FBXO6: variants seen among roughly 807,000 people sequenced by gnomAD.
FBXO6 encodes the protein F-box only protein 6.
FBXO6 carries 13 observed loss-of-function variants against 25.0 expected under a neutral mutation model. The observed-to-expected ratio is 0.52, with a 90% CI of 0.34 to 0.83. The LOEUF (loss-of-function observed/expected upper bound fraction) is 0.83. FBXO6 is among the 40% of genes least tolerant of loss of function. The pLI, the probability that FBXO6 is intolerant of heterozygous loss-of-function variation, is 0.02. For synonymous variants in FBXO6, 138 were observed against 155.3 expected (o/e 0.89, Z 0.83); for missense variants, 370 against 380.2 (o/e 0.97, Z 0.22).
At chr1:11,665,929 T>G (rs1477603127) in intron 1 of FBXO6, among the ~76,000 whole-genome samples, 1 of 151,940 alleles carries the variant, frequency 6.6e-6, no homozygotes, top group Admixed American at 6.5e-5. Context: ...ATTGACAACT[T>G]TTACATTTTT....
rs1038767873 is a variant in FBXO6 at position 11,673,452 on chromosome 1, C to A, written c.645+40C>A. 6.2e-6 allele frequency: 10 copies of A among 1,606,040 alleles called. No homozygotes were observed. The highest frequency in any genetic ancestry group is 8.5e-6 in the Non-Finnish European group (10 of 1,174,956). ...ACTTGCTCTCTCTACCCACTCCTCC[C>A]AGGGCCAGGATGGCAGGAAGCAAAG... On this transcript the variant is annotated intron_variant, in intron 5 of 5. Transcript: ENST00000376753. The surrounding 1 kb of genome is among the most constrained non-coding windows in gnomAD (Gnocchi z 4.3).
At position 11,672,008 on chromosome 1, in the gene FBXO6, T is replaced by C; in HGVS notation, c.494T>C (p.Ile165Thr). 1 of 1,614,138 alleles carries C rather than the reference T, an allele frequency of 6.2e-7. No individual in the cohort carries two copies. The highest frequency in any genetic ancestry group is 8.5e-7 in the Non-Finnish European group (1 of 1,179,966). Residue 165 changes from isoleucine to threonine, a missense_variant, in exon 4 of 6, where the codon ATC becomes ACC. By Grantham distance (89) the Ile-to-Thr change is moderately conservative. Coordinates refer to ENST00000376753, the MANE Select transcript of FBXO6 (RefSeq NM_018438.6). ...CTACTAGACACATTCCGGCCGGACA[T>C]CGTGGTTAAGGACTGGTGAGTAGGG... ...EELLDTFRPD[I>T]VVKDWFAARA...
chr1:11,664,499 G>T (rs1480904361), intron 1 of FBXO6: 1 of 146,356 alleles, frequency 6.8e-6, no homozygotes, highest in East Asian at 2.0e-4. Context: ...CACGGAGCCT[G>T]CGGGCGCTGG....
intron 2 of FBXO6, among the ~76,000 whole-genome samples, chr1:11,669,666 G>GTATATATACA (rs1161301136): frequency 1.9e-5 from 2 of 104,994 alleles, no homozygotes. Context: ...ATATACACAT[G>GTATATATACA]TATATATGTA....
chr1:11,672,887 T>C (rs1570279368), intron 4 of FBXO6, among the ~76,000 whole-genome samples: 2 of 152,222 alleles, frequency 1.3e-5, no homozygotes, highest in South Asian at 4.1e-4. Flanking sequence ...GAGCAGAGGG[T>C]GAGCTTTGTG....
chr1:11,671,800 A>T (rs1394297412), intron 3 of FBXO6, 128 bp from the exon 4 acceptor site: 1 of 797,314 alleles, frequency 1.3e-6, no homozygotes, highest in East Asian at 2.7e-5. Flanking sequence ...CCTGTCCCGC[A>T]GCGGCCAAGG....
chr1:11,665,788 T>G (rs1640417155), intron 1 of FBXO6, among the ~76,000 whole-genome samples: 1 of 151,788 alleles, frequency 6.6e-6, no homozygotes, highest in Admixed American at 6.6e-5. Context: ...CTCGAACTCC[T>G]GATCTTGTGA....
At chr1:11,666,664 G>A (rs555223521) in intron 1 of FBXO6, among the ~76,000 whole-genome samples, 2 of 152,210 alleles carry the variant, frequency 1.3e-5, no homozygotes, top group South Asian at 4.1e-4. Context: ...TTACAGGCTT[G>A]AGCCACCGCA....
chr1:11,665,767 G>A (rs1325845482), intron 1 of FBXO6, among the ~76,000 whole-genome samples: 1 of 151,396 alleles, frequency 6.6e-6, no homozygotes, highest in South Asian at 2.1e-4. Flanking sequence ...CGCCATATTG[G>A]CCAGGCTGGT....
chr1:11,668,712 G>T lies in FBXO6; in HGVS notation c.54G>T (p.Glu18Asp). The T allele has an allele frequency of 1.2e-6, 2 of 1,614,100 alleles. No homozygotes were observed. The highest frequency in any genetic ancestry group is 2.2e-5 in the South Asian group (2 of 91,076). ...TGGACAGCATTAACGAGCTGCCCGA[G>T]AACATCCTGCTGGAGCTGTTCACGC... is the stretch of plus-strand genomic sequence containing the variant. The part of the protein sequence containing the change: ...AALDSINELP[E>D]NILLELFTHV... The change falls in exon 2 of 6, where the codon GAG becomes GAT. Residue 18 changes from glutamate (E) to aspartate (D), a missense_variant. Physicochemically the swap from Glu to Asp is conservative, Grantham distance 45. Transcript: ENST00000376753.
At position 11,673,612 on chromosome 1, in the gene FBXO6, C is replaced by T. The variant is rs1557675959; in HGVS notation, c.646-3C>T. The T allele has an allele frequency of 1.2e-6, 2 of 1,612,250 alleles. No individual in the cohort carries two copies. The highest frequency in any genetic ancestry group is 1.7e-6 in the Non-Finnish European group (2 of 1,178,510). ...GTCACTTCCTCTCCCTTCCTCCCAA[C>T]AGGTCTCCTACACCTTCTCAGACTA... On this transcript the variant is annotated splice_polypyrimidine_tract_variant and splice_region_variant and intron_variant, in intron 5 of 5. Coordinates refer to ENST00000376753, the MANE Select transcript of FBXO6 (RefSeq NM_018438.6). This position sits in a 1 kb window ranked among gnomAD's most constrained non-coding sequence, Gnocchi z 4.3.
chr1:11,672,700 A>G (rs1640654754), intron 4 of FBXO6, among the ~76,000 whole-genome samples: 1 of 151,884 alleles, frequency 6.6e-6, no homozygotes, highest in African/African-American at 2.4e-5. Flanking sequence ...TTCCCTATTC[A>G]TCCCATGACT....
In FBXO6 at chr1:11,673,237, C is replaced by G. The variant is rs759904688; in HGVS notation, c.510-40C>G. 1.9e-6 allele frequency: 3 copies of G among 1,586,060 alleles called. No individual in the cohort carries two copies. Among genetic ancestry groups the G allele is most frequent in the Admixed American group, 3.5e-5 (2 of 57,906 alleles). The stretch of plus-strand genomic sequence containing the variant: ...CCTGCCCCCACCCCTGGGGCCAGCC[C>G]TCGGTGGCTTGGACACAGGGCTCTC... On this transcript the variant is annotated intron_variant, in intron 4 of 5. Transcript: ENST00000376753. This position sits in a 1 kb window ranked among gnomAD's most constrained non-coding sequence, Gnocchi z 4.3.
chr1:11,669,691 TATATAC>T (rs1476087756), intron 2 of FBXO6, among the ~76,000 whole-genome samples: 2 of 142,768 alleles, frequency 1.4e-5, no homozygotes, highest in African/African-American at 5.6e-5. Context: ...TATATACGTA[TATATAC>T]ATATGTATAC....
Position 11,671,938 on chromosome 1 carries a change from A to G in FBXO6, c.424A>G (p.Lys142Glu), listed in dbSNP as rs774778171. Residue 142 changes from lysine to glutamate, a missense_variant, in exon 4 of 6, where the codon AAG becomes GAG. Lys to Glu is a moderately conservative substitution (Grantham distance 56). Transcript: ENST00000376753. ...YFVTSYEMCL[K>E]SQLVDLVAEG... is the part of the protein sequence containing the mutation. ...AACTCTGCTCCCCAGAATGTGCCTC[A>G]AGTCCCAGCTGGTGGACCTTGTAGC... 1.2e-6 allele frequency: 2 copies of G among 1,614,024 alleles called. No individual in the cohort carries two copies. The highest frequency in any genetic ancestry group is 2.2e-5 in the East Asian group (1 of 44,900).
chr1:11,671,904 C>T (rs748110117), intron 3 of FBXO6, 24 bp from the exon 4 acceptor site: 4 of 1,602,944 alleles, frequency 2.5e-6, no homozygotes, highest in East Asian at 2.2e-5. Context: ...CCCAGGTATG[C>T]AAGCCCCCAA....
At chr1:11,665,735 A>G (rs1640415596) in intron 1 of FBXO6, among the ~76,000 whole-genome samples, 1 of 150,428 alleles carries the variant, frequency 6.6e-6, no homozygotes, top group African/African-American at 2.5e-5. Flanking sequence ...TAATTTTTGT[A>G]TTTTTAGTAG....
At chr1:11,665,042 C>CACTG in intron 1 of FBXO6, among the ~76,000 whole-genome samples, 1 of 150,696 alleles carries the variant, frequency 6.6e-6, no homozygotes, top group East Asian at 2.0e-4. Flanking sequence ...AAGCTGCCAG[C>CACTG]ATTTATTTAT....
intron 2 of FBXO6, among the ~76,000 whole-genome samples, chr1:11,670,212 C>CAA (rs767314286): frequency 1.6e-4 from 18 of 111,656 alleles, no homozygotes; most frequent in South Asian, 8.9e-4. Context: ...GACTCCGTCT[C>CAA]AAAAAAAAAA....
Sources: gnomAD v4.1 joint callset for allele counts (sites outside exome capture counted in the v4.1 genomes callset) on GRCh38, gnomAD v4.1.1 for gene constraint, Gnocchi (gnomAD v3.1) non-coding constraint, MANE v1.5 for transcripts, NCBI Gene and HGNC (gene_info 2026-07-23, HGNC 2026-07-21) for gene names.